CNTRL: variants seen among roughly 807,000 people sequenced by gnomAD.
CNTRL encodes 110 kDa centrosomal protein.
In CNTRL, 233 loss-of-function variants were observed where a neutral mutation model predicts 303.7. The ratio of observed to expected loss-of-function variants is 0.77; its 90% CI spans 0.69 to 0.86. The LOEUF (loss-of-function observed/expected upper bound fraction) is 0.86. Among genes scored for constraint, CNTRL ranks in the 40% least tolerant of loss-of-function variants. CNTRL has a pLI of 0.00. For missense variants in CNTRL, 2,524 were observed against 2,650.6 expected, an observed-to-expected ratio of 0.95 and a Z score of 1.05; for synonymous variants, 900 against 922.2, an observed-to-expected ratio of 0.98 and a Z score of 0.44.
At chr9:121,081,715 C>G (rs2048148627) in intron 2 of CNTRL, among the ~76,000 whole-genome samples, 1 of 152,252 alleles carries the variant, frequency 6.6e-6, no homozygotes, top group Non-Finnish European at 1.5e-5. Flanking sequence ...TTTTCATGCT[C>G]TCGCCAGCAT....
At chr9:121,101,821 G>T (rs1333023323) in intron 7 of CNTRL, among the ~76,000 whole-genome samples, 1 of 152,112 alleles carries the variant, frequency 6.6e-6, no homozygotes, top group Non-Finnish European at 1.5e-5. Context: ...TAAATTCCTG[G>T]ACACATACAC....
chr9:121,124,563 T>C (rs549869680), intron 13 of CNTRL, among the ~76,000 whole-genome samples: 32 of 152,300 alleles, frequency 2.1e-4, no homozygotes, highest in South Asian at 1.2e-3. Flanking sequence ...GATCCTGCTC[T>C]CTGTTTTGCT....
In CNTRL at chr9:121,169,661, CTG is replaced by C; in HGVS notation, c.6123_6124del (p.Leu2042GlyfsTer28). ...GCAATTGGTGGAGAAATCAGGTGAG[CTG>C]TTGGCCCTCCAGAAAGAGGCAGATT... Reference protein sequence around the residue: ...EQQLVEKSGELLALQKEADSM... With the variant: ...EQQLVEKSGEXLALQKEADSM... On this transcript the variant is annotated frameshift_variant, in exon 39 of 44. Coordinates refer to ENST00000373855, the MANE Select transcript of CNTRL (RefSeq NM_007018.6). LOFTEE classifies it high-confidence loss of function. 1 of 1,614,142 alleles carries C rather than the reference CTG, an allele frequency of 6.2e-7. No homozygotes were observed. The highest frequency in any genetic ancestry group is 8.5e-7 in the Non-Finnish European group (1 of 1,180,026).
rs755170110 is a variant in CNTRL at position 121,152,540 on chromosome 9, G to A, written c.4019G>A (p.Arg1340Gln). ...DIMQHLKSKK[R>Q]EERWMRASKR... ...ATGCAGCATTTAAAATCAAAGAAGC[G>A]GGAAGAAAGGTGGATGAGAGCATCC... is the stretch of plus-strand genomic sequence containing the variant. The change falls in exon 26 of 44, where the codon CGG becomes CAG. Residue 1340 changes from arginine (R) to glutamine (Q), a missense_variant. Physicochemically the swap from Arg to Gln is conservative, Grantham distance 43. Coordinates refer to ENST00000373855, the MANE Select transcript of CNTRL (RefSeq NM_007018.6). 9 of 1,613,842 alleles carry A rather than the reference G, an allele frequency of 5.6e-6. No individual in the cohort carries two copies. Among genetic ancestry groups the A allele is most frequent in the South Asian group, 3.3e-5 (3 of 91,078 alleles).
At chr9:121,167,889 A>C (rs2053157269) in intron 37 of CNTRL, among the ~76,000 whole-genome samples, 1 of 152,108 alleles carries the variant, frequency 6.6e-6, no homozygotes, top group South Asian at 2.1e-4. Context: ...AAAGATACTT[A>C]ACAGCCACGT....
At position 121,172,580 on chromosome 9, in the gene CNTRL, G is replaced by A. The variant is rs184863216; in HGVS notation, c.6418-663G>A. Among the ~76,000 whole-genome samples the A allele has an allele frequency of 2.3e-3, 352 of 152,264 alleles. 3 individuals carry two copies. Among genetic ancestry groups the A allele is most frequent in the African/African-American group, 8.2e-3 (341 of 41,544 alleles). On this transcript the variant is annotated intron_variant, in intron 40 of 43. Coordinates refer to ENST00000373855, the MANE Select transcript of CNTRL (RefSeq NM_007018.6). ...TGCTTGAGCCTGGGAGGTTGAGACT[G>A]CAGTGAGCCAAGATTGTGCCACCGC...
intron 2 of CNTRL, among the ~76,000 whole-genome samples, chr9:121,083,890 A>G (rs1279546789): frequency 6.6e-6 from 1 of 152,226 alleles, no homozygotes; most frequent in East Asian, 1.9e-4. Context: ...ACTGTCATGT[A>G]TGTGGTCCGT....
intron 2 of CNTRL, 132 bp from the exon 3 acceptor site, chr9:121,088,164 G>C (rs965384431): frequency 4.0e-5 from 24 of 603,258 alleles, no homozygotes; most frequent in African/African-American, 3.7e-4. Context: ...TGCTCCATCA[G>C]CTTGGAGTAG....
chr9:121,161,262 C>CTT, intron 32 of CNTRL: 2 of 438,294 alleles, frequency 4.6e-6, no homozygotes, highest in South Asian at 5.1e-5. Flanking sequence ...TTCTCTTATG[C>CTT]TTTTTTTTTG....
Position 121,150,389 on chromosome 9 carries a change from C to T in CNTRL, c.3869C>T (p.Ala1290Val). ...TVVYGPPPAG[A>V]PMVYGPPPPN... ...GTTTATGGCCCACCTCCTGCTGGGG[C>T]CCCCATGGTGTATGGGCCTCCACCC... The change falls in exon 25 of 44, where the codon GCC (alanine) becomes GTC (valine). Residue 1290 changes from alanine (A) to valine (V), a missense_variant. Ala to Val is a moderately conservative substitution (Grantham distance 64, BLOSUM62 0). Transcript: ENST00000373855. 1.2e-6 allele frequency: 2 copies of T among 1,614,116 alleles called. No individual in the cohort carries two copies. The highest frequency in any genetic ancestry group is 1.7e-6 in the Non-Finnish European group (2 of 1,180,004).
At chr9:121,143,662 TG>T (rs1362467796) in intron 19 of CNTRL, among the ~76,000 whole-genome samples, 1 of 152,212 alleles carries the variant, frequency 6.6e-6, no homozygotes, top group African/African-American at 2.4e-5. Flanking sequence ...TGCTAGGAAA[TG>T]TTTTTCCAAT....
chr9:121,139,337 C>G (rs983899468), intron 16 of CNTRL, among the ~76,000 whole-genome samples: 8 of 152,026 alleles, frequency 5.3e-5, no homozygotes, highest in Non-Finnish European at 1.5e-5. Context: ...TGTGAGGTTG[C>G]GGGCCTCTTG....
At chr9:121,156,885 A>G (rs564007927) in intron 27 of CNTRL, among the ~76,000 whole-genome samples, 1 of 152,360 alleles carries the variant, frequency 6.6e-6, no homozygotes, top group East Asian at 1.9e-4. Flanking sequence ...TCGCTTGATA[A>G]TAACTATAGA....
chr9:121,096,377 C>T (rs758809570), intron 5 of CNTRL, 45 bp from the exon 6 acceptor site: 4 of 1,277,692 alleles, frequency 3.1e-6, no homozygotes, highest in East Asian at 2.5e-5. Context: ...TGGAGAGACT[C>T]TATAATTGTA....
chr9:121,078,517 G>A (rs1208558998), intron 1 of CNTRL, among the ~76,000 whole-genome samples: 2 of 152,252 alleles, frequency 1.3e-5, no homozygotes, highest in Non-Finnish European at 2.9e-5. Flanking sequence ...TAAGCAAGCA[G>A]TTAGTTCTGC....
Position 121,162,103 on chromosome 9 carries a change from G to C in CNTRL, c.5255G>C (p.Gly1752Ala), listed in dbSNP as rs776480351. 1.2e-6 allele frequency: 2 copies of C among 1,614,092 alleles called. No homozygotes were observed. Among genetic ancestry groups the C allele is most frequent in the East Asian group, 4.5e-5 (2 of 44,896 alleles). Residue 1752 changes from glycine (G) to alanine (A), a missense_variant, in exon 34 of 44, where the codon GGG becomes GCG. Physicochemically the swap from Gly to Ala is moderately conservative, Grantham distance 60 (BLOSUM62 0). Transcript: ENST00000373855. ...NLQQISQQQK[G>A]EIEWQKQLLE... ...CAGCAGATATCCCAGCAGCAGAAAG[G>C]GGAAATAGAGTGGCAGAAGCAGCTC...
At chr9:121,120,137 C>T (rs529627788) in intron 12 of CNTRL, among the ~76,000 whole-genome samples, 8 of 151,630 alleles carry the variant, frequency 5.3e-5, no homozygotes, top group Admixed American at 3.3e-4. Flanking sequence ...TTTTAAAGAA[C>T]TTTAAGATCT....
At chr9:121,109,660 G>T (rs1028171014) in intron 8 of CNTRL, among the ~76,000 whole-genome samples, 1 of 151,964 alleles carries the variant, frequency 6.6e-6, no homozygotes, top group Admixed American at 6.6e-5. Context: ...TGGAATTACC[G>T]TGTAATTTGC....
chr9:121,155,624 G>A (rs56925752), intron 27 of CNTRL, among the ~76,000 whole-genome samples: 1,536 of 152,270 alleles, frequency 0.01, 30 homozygotes, highest in African/African-American at 0.035. Flanking sequence ...CGCCTGGCCC[G>A]ATAATATTCT....
Sources: gnomAD v4.1 joint callset for allele counts (sites outside exome capture counted in the v4.1 genomes callset) on GRCh38, gnomAD v4.1.1 for gene constraint, MANE v1.5 for transcripts, NCBI Gene and HGNC (gene_info 2026-07-23, HGNC 2026-07-21) for gene names.